The following NRXN3 variants were observed in gnomAD, a reference collection of about 807,000 sequenced individuals.
NRXN3 encodes neurexin III.
NRXN3 carries 32 observed loss-of-function variants against 137.6 expected under a neutral mutation model. The ratio of observed to expected loss-of-function variants is 0.23; its 90% CI spans 0.18 to 0.31. The LOEUF (loss-of-function observed/expected upper bound fraction) is 0.31. Ranked by LOEUF, NRXN3 falls within the 10% of genes least tolerant of loss-of-function variation. NRXN3 has a pLI of 1.00. For synonymous variants in NRXN3, 798 were observed against 784.5 expected, an observed-to-expected ratio of 1.02 and a Z score of -0.29; for missense variants, 1,574 against 2,062.5, an observed-to-expected ratio of 0.76 and a Z score of 4.59.
At chr14:79,519,629 C>T (rs954277435) in intron 16 of NRXN3, among the ~76,000 whole-genome samples, 5 of 151,970 alleles carry the variant, frequency 3.3e-5, no homozygotes, top group African/African-American at 1.2e-4. Context: ...AGGAAACCTG[C>T]AAAATGGGCT....
In NRXN3 at chr14:78,183,116, C is replaced by T. The variant is rs572821395; in HGVS notation, c.-704+12442C>T. Reference sequence around the variant, plus strand: ...CCCAGAATAAGGATGAAACAAGGGACGTCTTTAGGGCATGCCGGCCCCTCT... The same window carrying T: ...CCCAGAATAAGGATGAAACAAGGGATGTCTTTAGGGCATGCCGGCCCCTCT... On this transcript the variant is annotated intron_variant, in intron 1 of 20. Coordinates refer to ENST00000335750, the MANE Select transcript of NRXN3 (RefSeq NM_001330195.2). Among the ~76,000 whole-genome samples the T allele has an allele frequency of 7.2e-4, 110 of 152,260 alleles. 1 individual carries two copies. Among genetic ancestry groups the T allele is most frequent in the Non-Finnish European group, 1.3e-3 (90 of 68,022 alleles).
chr14:78,823,866 T>A (rs1400019160), intron 10 of NRXN3, among the ~76,000 whole-genome samples: 1 of 152,128 alleles, frequency 6.6e-6, no homozygotes, highest in Non-Finnish European at 1.5e-5. Flanking sequence ...TAGCATGATC[T>A]GAGGGTGGAG....
chr14:79,008,365 AC>A (rs2099559203), intron 15 of NRXN3, among the ~76,000 whole-genome samples: 2 of 152,330 alleles, frequency 1.3e-5, no homozygotes, highest in South Asian at 4.1e-4. Context: ...TTTGCTGAAT[AC>A]TATAACTTAC....
At chr14:79,452,146 C>G (rs1170460885) in intron 15 of NRXN3, among the ~76,000 whole-genome samples, 3 of 151,934 alleles carry the variant, frequency 2.0e-5, no homozygotes, top group African/African-American at 7.3e-5. Flanking sequence ...CATAAAAAAG[C>G]AGTTTCCAAT....
At chr14:79,401,315 C>A (rs1011988550) in intron 15 of NRXN3, among the ~76,000 whole-genome samples, 8 of 152,136 alleles carry the variant, frequency 5.3e-5, no homozygotes, top group Admixed American at 5.2e-4. Context: ...TTCTGTTTGT[C>A]ACCCTGTACT....
intron 15 of NRXN3, among the ~76,000 whole-genome samples, chr14:79,235,203 T>G (rs2073160705): frequency 6.6e-6 from 1 of 152,094 alleles, no homozygotes; most frequent in South Asian, 2.1e-4. Context: ...ACAGCATACC[T>G]ATATTTGTGT....
At chr14:79,612,504 T>A (rs1460201890) in intron 16 of NRXN3, among the ~76,000 whole-genome samples, 1 of 152,204 alleles carries the variant, frequency 6.6e-6, no homozygotes, top group African/African-American at 2.4e-5. Flanking sequence ...TCTGTAACCA[T>A]GTAAAAGAAA....
At chr14:78,504,799 G>C (rs1409258141) in intron 4 of NRXN3, among the ~76,000 whole-genome samples, 1 of 152,072 alleles carries the variant, frequency 6.6e-6, no homozygotes, top group Non-Finnish European at 1.5e-5. Context: ...AACGTATACT[G>C]TGTGAAATAG....
chr14:79,447,926 C>A (rs2096091483), intron 15 of NRXN3, among the ~76,000 whole-genome samples: 1 of 152,194 alleles, frequency 6.6e-6, no homozygotes. Context: ...ATGCTGGTTA[C>A]CTTCCTCCCA....
At chr14:79,676,959 A>G (rs747225049) in intron 17 of NRXN3, among the ~76,000 whole-genome samples, 3 of 152,102 alleles carry the variant, frequency 2.0e-5, no homozygotes, top group Non-Finnish European at 4.4e-5. Context: ...GTAGGTAATC[A>G]GTAAATATTA....
chr14:78,778,793 TTTC>T lies in NRXN3; in HGVS notation c.2045-24824_2045-24822del, dbSNP rs2098757120. On this transcript the variant is annotated intron_variant, in intron 8 of 20. Transcript: ENST00000335750. ...CTTTCTTTCTTTCTTTCTTTCTTTC[TTTC>T]TTTCTTTCTTTCTTTCTTTCTTTCT... Among the ~76,000 whole-genome samples the T allele has an allele frequency of 3.5e-5, 5 of 144,492 alleles. No individual in the cohort carries two copies. The South Asian group carries it at 8.7e-4, about 25-fold the overall frequency. 94.8% of individuals were successfully genotyped at this position (144,492 alleles called of 152,430 possible).
intron 12 of NRXN3, 77 bp downstream of exon 12, chr14:78,966,483 T>G (rs1362394186): frequency 1.4e-6 from 2 of 1,458,562 alleles, no homozygotes; most frequent in East Asian, 4.6e-5. Context: ...GACATAAAAA[T>G]AACTTGTCTA....
intron 8 of NRXN3, among the ~76,000 whole-genome samples, chr14:78,738,852 A>G (rs2098552285): frequency 6.6e-6 from 1 of 152,204 alleles, no homozygotes; most frequent in Non-Finnish European, 1.5e-5. Context: ...TGGAAGAATG[A>G]TTTTTGAGTA....
intron 4 of NRXN3, among the ~76,000 whole-genome samples, chr14:78,632,037 C>A (rs977422618): frequency 5.3e-5 from 8 of 151,416 alleles, no homozygotes; most frequent in Non-Finnish European, 8.8e-5. Flanking sequence ...TGGTGTGAAC[C>A]CAGGAGGCGG....
At chr14:79,112,982 G>A (rs1279136615) in intron 15 of NRXN3, among the ~76,000 whole-genome samples, 2 of 152,162 alleles carry the variant, frequency 1.3e-5, no homozygotes, top group African/African-American at 4.8e-5. Flanking sequence ...ATTGTACAAT[G>A]GAGTGATACA....
rs774064740 is a variant in NRXN3 at position 78,243,805 on chromosome 14, A to T, written c.709+3A>T. 2 of 1,560,320 alleles carry T rather than the reference A, an allele frequency of 1.3e-6. No homozygotes were observed. The highest frequency in any genetic ancestry group is 3.6e-5 in the Admixed American group (2 of 56,326). On this transcript the variant is annotated splice_donor_region_variant and intron_variant, in intron 2 of 20. Transcript: ENST00000335750. The surrounding 1 kb of genome is among the most constrained non-coding windows in gnomAD (Gnocchi z 4.2). ...TGGTGGCAAGCTCTGCTCAGAAGGT[A>T]AGACCCTCTCCCTCTCTTGCTAGAG...
intron 4 of NRXN3, among the ~76,000 whole-genome samples, chr14:78,606,765 G>C (rs17107912): frequency 1.3e-5 from 2 of 152,148 alleles, no homozygotes; most frequent in Non-Finnish European, 2.9e-5. Flanking sequence ...ACCTGCCAGC[G>C]TGTTGTTGAC....
At chr14:79,791,505 G>A (rs978014041) in intron 19 of NRXN3, among the ~76,000 whole-genome samples, 3 of 144,824 alleles carry the variant, frequency 2.1e-5, no homozygotes, top group African/African-American at 5.0e-5. Flanking sequence ...ATTATATATT[G>A]TAATTATAAT....
chr14:79,210,002 A>G (rs1169591065), intron 15 of NRXN3, among the ~76,000 whole-genome samples: 1 of 152,180 alleles, frequency 6.6e-6, no homozygotes, highest in Non-Finnish European at 1.5e-5. Flanking sequence ...ATTTGGTTAT[A>G]AGCGTAAGTG....
Sources: gnomAD v4.1 joint callset for allele counts (sites outside exome capture counted in the v4.1 genomes callset) on GRCh38, gnomAD v4.1.1 for gene constraint, Gnocchi (gnomAD v3.1) non-coding constraint, MANE v1.5 for transcripts, NCBI Gene and HGNC (gene_info 2026-07-23, HGNC 2026-07-21) for gene names.